PTGR2: variants seen among roughly 807,000 people sequenced by gnomAD.
PTGR2 encodes 15-oxoprostaglandin 13-reductase.
In PTGR2, 32 loss-of-function variants were observed where a neutral mutation model predicts 43.4. The observed-to-expected ratio is 0.74, with a 90% confidence interval of 0.56 to 0.99. The LOEUF (loss-of-function observed/expected upper bound fraction) is 0.99, where lower values mean the gene tolerates loss of function less well. Ranked by LOEUF, PTGR2 falls within the 50% of genes least tolerant of loss-of-function variation. The probability of loss-of-function intolerance (pLI) is 0.00; values close to 1 mark genes in which losing one functional copy is unlikely to be tolerated. For missense variants in PTGR2, 373 were observed against 420.0 expected (o/e 0.89, Z 0.98); for synonymous variants, 106 against 139.2 (o/e 0.76, Z 1.68).
chr14:73,883,188 CTTTTTTTTTTTTT>C (rs58234739), intron 9 of PTGR2, among the ~76,000 whole-genome samples: 27,183 of 58,760 alleles, frequency 0.46, 6,191 homozygotes, highest in Non-Finnish European at 0.55. Context: ...CCTCACCTCC[CTTTTTTTTTTTTT>C]TTTTTTTTTT....
chr14:73,882,252 G>A (rs2055007480), intron 8 of PTGR2, 147 bp from the exon 9 acceptor site: 1 of 602,626 alleles, frequency 1.7e-6, no homozygotes, highest in Non-Finnish European at 3.0e-6. Flanking sequence ...TTGATAGGAA[G>A]CTTTTCTGGG....
At chr14:73,874,619 A>G (rs1566640319) in intron 4 of PTGR2, 3 of 455,772 alleles carry the variant, frequency 6.6e-6, no homozygotes, top group Non-Finnish European at 1.3e-5. Flanking sequence ...GGCTGGTCTC[A>G]AACTCCTAGG....
intron 8 of PTGR2, 23 bp from the exon 9 acceptor site, chr14:73,882,376 A>G: frequency 6.8e-7 from 1 of 1,468,904 alleles, no homozygotes; most frequent in Non-Finnish European, 9.5e-7. Context: ...AAGACTATTA[A>G]ATCTAGCTAT....
intron 1 of PTGR2, among the ~76,000 whole-genome samples, chr14:73,855,266 G>A (rs935998503): frequency 6.6e-6 from 1 of 152,142 alleles, no homozygotes; most frequent in African/African-American, 2.4e-5. Context: ...ACTATTAGGT[G>A]TAATAATGGC....
At position 73,867,102 on chromosome 14, in the gene PTGR2, A is replaced by C. The variant is rs1222321717; in HGVS notation, c.156+6445A>C. ...AGACTCTGTCTCAAAAAAAAAAAAA[A>C]AAAAAACAAAAAAACAAAAAAAAGA... On this transcript the variant is annotated intron_variant, in intron 3 of 9. Transcript: ENST00000555661. Among the ~76,000 whole-genome samples the C allele has an allele frequency of 1.7e-4, 22 of 131,072 alleles. No homozygotes were observed. The South Asian group carries it at 1.7e-3, about 10-fold the overall frequency. The allele number at this position is 131,072 out of a possible 152,430, so 86.0% of individuals were successfully genotyped here. A position where few individuals can be genotyped will look rare whatever the true frequency, so the allele number is the denominator to read the frequency against.
intron 3 of PTGR2, among the ~76,000 whole-genome samples, chr14:73,871,954 C>T (rs899677390): frequency 4.6e-5 from 7 of 152,252 alleles, no homozygotes; most frequent in East Asian, 1.9e-4. Flanking sequence ...CAAATGTATT[C>T]TTACAGAAGC....
chr14:73,867,374 A>T (rs1160277815), intron 3 of PTGR2, among the ~76,000 whole-genome samples: 1 of 152,102 alleles, frequency 6.6e-6, no homozygotes, highest in Admixed American at 6.6e-5. Context: ...CTCTTCATAG[A>T]TATGTATGTA....
intron 1 of PTGR2, among the ~76,000 whole-genome samples, chr14:73,855,733 A>T (rs2054329866): frequency 6.8e-6 from 1 of 147,980 alleles, no homozygotes; most frequent in Non-Finnish European, 1.5e-5. Flanking sequence ...GGCATGAGCC[A>T]CCACGCCCGG....
intron 1 of PTGR2, among the ~76,000 whole-genome samples, chr14:73,854,259 C>T (rs549992126): frequency 3.3e-5 from 5 of 152,066 alleles, no homozygotes; most frequent in South Asian, 4.2e-4. Flanking sequence ...CCCGCCACCA[C>T]GCCTGGTTAA....
chr14:73,856,657 A>G (rs2054354095), intron 1 of PTGR2, among the ~76,000 whole-genome samples: 1 of 152,232 alleles, frequency 6.6e-6, no homozygotes, highest in African/African-American at 2.4e-5. Flanking sequence ...GTACAGCAAC[A>G]TGCCATATAG....
chr14:73,879,010 A>G, intron 5 of PTGR2, 86 bp from the exon 6 acceptor site: 1 of 1,073,468 alleles, frequency 9.3e-7, no homozygotes, highest in South Asian at 1.5e-5. Flanking sequence ...ACACTGTCAT[A>G]TACCTGTAAT....
intron 3 of PTGR2, among the ~76,000 whole-genome samples, chr14:73,870,124 T>G (rs2054693328): frequency 6.6e-6 from 1 of 151,180 alleles, no homozygotes. Flanking sequence ...CTTGAAGCCA[T>G]GAGTTCAAGT....
chr14:73,871,190 C>T (rs575867469), intron 3 of PTGR2, among the ~76,000 whole-genome samples: 1 of 152,248 alleles, frequency 6.6e-6, no homozygotes, highest in South Asian at 2.1e-4. Context: ...ATGACGCCTT[C>T]ATCAAAACCC....
rs1480005117 is a variant in PTGR2, at chr14:73,877,074, T to C, written c.425T>C (p.Ile142Thr). 3.1e-6 allele frequency: 5 copies of C among 1,614,032 alleles called. No homozygotes were observed. The highest frequency in any genetic ancestry group is 2.7e-5 in the African/African-American group (2 of 75,014). The change falls in exon 5 of 10, where the codon ATT becomes ACT. Residue 142 changes from isoleucine to threonine, a missense_variant. Transcript: ENST00000555661. ...AIGMPGLTSLIGIQEKGHITA... is the reference protein window; with the variant it reads ...AIGMPGLTSLTGIQEKGHITA... ...GGTATGCCTGGTTTGACTTCCTTGATTGGGATACAGGAAAAAGGTCATATA... is the reference window on the plus strand; with the variant it reads ...GGTATGCCTGGTTTGACTTCCTTGACTGGGATACAGGAAAAAGGTCATATA...
intron 1 of PTGR2, among the ~76,000 whole-genome samples, chr14:73,856,152 CCACT>C (rs1176066324): frequency 3.3e-5 from 5 of 152,172 alleles, no homozygotes; most frequent in Non-Finnish European, 5.9e-5. Context: ...CATTCCCTCA[CCACT>C]CACTCCCTGA....
chr14:73,874,799 T>C (rs1219279327), intron 4 of PTGR2, among the ~76,000 whole-genome samples: 2 of 152,126 alleles, frequency 1.3e-5, no homozygotes, highest in Non-Finnish European at 2.9e-5. Flanking sequence ...GTAGATAAAG[T>C]CTCTCAGGTA....
chr14:73,868,225 G>A (rs2054646909), intron 3 of PTGR2, among the ~76,000 whole-genome samples: 1 of 151,964 alleles, frequency 6.6e-6, no homozygotes, highest in South Asian at 2.1e-4. Context: ...GGAGGCCGAG[G>A]TTGCAGTGAG....
chr14:73,859,025 AT>A, intron 2 of PTGR2, 126 bp downstream of exon 2: 1 of 629,982 alleles, frequency 1.6e-6, no homozygotes, highest in Non-Finnish European at 2.7e-6. Flanking sequence ...TAGTAAAGAT[AT>A]TAGAAGAAAC....
chr14:73,860,468 A>G (rs1234477592), intron 2 of PTGR2, 71 bp from the exon 3 acceptor site: 5 of 531,024 alleles, frequency 9.4e-6, no homozygotes, highest in African/African-American at 8.2e-5. Context: ...CTCTGTCTCA[A>G]ATAATAATAA....
Sources: gnomAD v4.1 joint callset for allele counts (sites outside exome capture counted in the v4.1 genomes callset) on GRCh38, gnomAD v4.1.1 for gene constraint, MANE v1.5 for transcripts, NCBI Gene and HGNC (gene_info 2026-07-23, HGNC 2026-07-21) for gene names.